SLC14A2: variants seen among roughly 807,000 people sequenced by gnomAD.
SLC14A2 encodes solute carrier family 14 member 2.
In SLC14A2, 91 loss-of-function variants were observed where a neutral mutation model predicts 104.6. The observed-to-expected ratio is 0.87, with a 90% CI of 0.73 to 1.04. The LOEUF (loss-of-function observed/expected upper bound fraction) is 1.04. Among genes scored for constraint, SLC14A2 ranks in the 50% least tolerant of loss-of-function variants. SLC14A2 has a pLI of 0.00. For missense variants in SLC14A2, 1,189 were observed against 1,156.0 expected, an observed-to-expected ratio of 1.03 and a Z score of -0.41; for synonymous variants, 476 against 466.4, an observed-to-expected ratio of 1.02 and a Z score of -0.27.
At chr18:45,605,050 A>T (rs1278707521) in intron 2 of SLC14A2, among the ~76,000 whole-genome samples, 1 of 152,158 alleles carries the variant, frequency 6.6e-6, no homozygotes, top group African/African-American at 2.4e-5. Context: ...CCCCGCAGTG[A>T]TCATCATCAT....
Position 45,228,788 on chromosome 18 carries a change from G to A in SLC14A2, c.-125+15597G>A, listed in dbSNP as rs565258115. Among the ~76,000 whole-genome samples, 35 of 152,228 alleles carry A rather than the reference G, an allele frequency of 2.3e-4. No homozygotes were observed. The South Asian group carries it at 4.4e-3, about 19-fold the overall frequency. On this transcript the variant is annotated intron_variant, in intron 1 of 20. Coordinates refer to the SLC14A2 transcript ENST00000586448. ...ACCATTTTCCTTAAGAAAGCTAATC[G>A]TGTTCAACACTCTGTAAGCTTAGGA...
intron 1 of SLC14A2, among the ~76,000 whole-genome samples, chr18:45,323,623 T>TA (rs1466133360): frequency 6.6e-6 from 1 of 152,242 alleles, no homozygotes; most frequent in Non-Finnish European, 1.5e-5. Context: ...CAAAATCAGT[T>TA]AAACATTAGC....
intron 1 of SLC14A2, among the ~76,000 whole-genome samples, chr18:45,331,551 C>A (rs977933326): frequency 1.3e-5 from 2 of 151,718 alleles, no homozygotes; most frequent in African/African-American, 4.8e-5. Context: ...ATTAGCCGGG[C>A]GTGGTGGCGG....
At chr18:45,398,130 G>A (rs544436265) in intron 1 of SLC14A2, among the ~76,000 whole-genome samples, 3 of 152,124 alleles carry the variant, frequency 2.0e-5, no homozygotes, top group Non-Finnish European at 4.4e-5. Flanking sequence ...GGAAAACTGA[G>A]ACTCAGAGGG....
chr18:45,448,095 G>A (rs1008805475), intron 1 of SLC14A2, among the ~76,000 whole-genome samples: 3 of 152,228 alleles, frequency 2.0e-5, no homozygotes, highest in African/African-American at 4.8e-5. Context: ...CCTCAGCAAT[G>A]AGTGTATGAC....
chr18:45,402,019 T>C (rs2144455498), intron 1 of SLC14A2, among the ~76,000 whole-genome samples: 1 of 152,190 alleles, frequency 6.6e-6, no homozygotes, highest in Middle Eastern at 3.4e-3. Flanking sequence ...GGATTAAGAG[T>C]TGCTTTGTAA....
intron 1 of SLC14A2, among the ~76,000 whole-genome samples, chr18:45,347,026 A>G (rs1290257925): frequency 6.6e-6 from 1 of 151,822 alleles, no homozygotes; most frequent in African/African-American, 2.4e-5. Flanking sequence ...CAAACAAATC[A>G]GGCCTACTTT....
intron 1 of SLC14A2, among the ~76,000 whole-genome samples, chr18:45,265,578 C>A (rs1038134599): frequency 6.6e-6 from 1 of 152,136 alleles, no homozygotes; most frequent in African/African-American, 2.4e-5. Flanking sequence ...TGAGAGAGCA[C>A]CATCAGAGAC....
intron 1 of SLC14A2, among the ~76,000 whole-genome samples, chr18:45,477,227 A>C (rs971820239): frequency 2.0e-5 from 3 of 152,090 alleles, no homozygotes; most frequent in African/African-American, 4.8e-5. Flanking sequence ...TTTCCTTCTA[A>C]CAGCCAGGCC....
chr18:45,327,372 A>G (rs1240344098), intron 1 of SLC14A2, among the ~76,000 whole-genome samples: 1 of 152,198 alleles, frequency 6.6e-6, no homozygotes, highest in Non-Finnish European at 1.5e-5. Context: ...ACCATGCTAA[A>G]TGTAGCCCAG....
intron 1 of SLC14A2, among the ~76,000 whole-genome samples, chr18:45,342,821 T>C (rs1175895121): frequency 6.6e-6 from 1 of 152,186 alleles, no homozygotes; most frequent in Non-Finnish European, 1.5e-5. Flanking sequence ...TAGTGACTGG[T>C]GATTCTCTGA....
At chr18:45,363,070 C>A (rs1174219457) in intron 1 of SLC14A2, among the ~76,000 whole-genome samples, 3 of 152,194 alleles carry the variant, frequency 2.0e-5, no homozygotes, top group Non-Finnish European at 2.9e-5. Flanking sequence ...ACGACCCCCC[C>A]AACCCTCGGC....
intron 1 of SLC14A2, among the ~76,000 whole-genome samples, chr18:45,266,212 T>C (rs1358268407): frequency 3.3e-5 from 5 of 152,242 alleles, no homozygotes; most frequent in African/African-American, 1.2e-4. Flanking sequence ...GGTTCCCTAC[T>C]GCTTCAGTAA....
chr18:45,383,273 G>A (rs1228355555), intron 1 of SLC14A2, among the ~76,000 whole-genome samples: 2 of 152,184 alleles, frequency 1.3e-5, no homozygotes, highest in Non-Finnish European at 2.9e-5. Flanking sequence ...ATTCTATTCA[G>A]TGATGCGCAG....
At chr18:45,258,608 T>C (rs954081908) in intron 1 of SLC14A2, among the ~76,000 whole-genome samples, 1 of 143,412 alleles carries the variant, frequency 7.0e-6, no homozygotes, top group Non-Finnish European at 1.5e-5. Context: ...TGCTTCTTCC[T>C]GACATAATAA....
intron 1 of SLC14A2, among the ~76,000 whole-genome samples, chr18:45,319,479 G>C (rs937737612): frequency 6.6e-6 from 1 of 152,180 alleles, no homozygotes; most frequent in African/African-American, 2.4e-5. Flanking sequence ...ATAACATGAT[G>C]GGGACTGTCT....
At chr18:45,378,837 C>G (rs1312878261) in intron 1 of SLC14A2, among the ~76,000 whole-genome samples, 27 of 152,094 alleles carry the variant, frequency 1.8e-4, no homozygotes, top group Admixed American at 1.8e-3. Flanking sequence ...TCTAGAATCC[C>G]TGACCTTAGG....
chr18:45,472,370 A>G (rs1338211013), intron 1 of SLC14A2, among the ~76,000 whole-genome samples: 1 of 152,184 alleles, frequency 6.6e-6, no homozygotes, highest in African/African-American at 2.4e-5. Flanking sequence ...GGCATGATTT[A>G]TAATCCTTTC....
rs557559864 is a variant in SLC14A2 at position 45,678,845 on chromosome 18, C to G, written c.2513-130C>G. 125 of 847,912 alleles carry G rather than the reference C, an allele frequency of 1.5e-4. 1 individual carries two copies. The South Asian group carries it at 2.1e-3, about 14-fold the overall frequency. The allele number at this position is 847,912 out of a possible 1,614,324, so 52.5% of individuals were successfully genotyped here. On this transcript the variant is annotated intron_variant, in intron 18 of 19. Coordinates refer to ENST00000255226, the MANE Select transcript of SLC14A2 (RefSeq NM_007163.4). ...GCTGCCAAGCAATGGAAACATAACT[C>G]AAATTTTTAAAAAATCTTAGAGATA...
Sources: gnomAD v4.1 joint callset for allele counts (sites outside exome capture counted in the v4.1 genomes callset) on GRCh38, gnomAD v4.1.1 for gene constraint, MANE v1.5 for transcripts, NCBI Gene and HGNC (gene_info 2026-07-23, HGNC 2026-07-21) for gene names.